The following SMARCD3 variants were observed in gnomAD, a reference collection of about 807,000 sequenced individuals.
SMARCD3 encodes the protein SWI/SNF-related matrix-associated actin-dependent regulator of chromatin subfamily D member 3.
A neutral mutation model predicts 58.0 loss-of-function variants in SMARCD3; 14 were observed. The ratio of observed to expected loss-of-function variants is 0.24; its 90% confidence interval spans 0.16 to 0.38. SMARCD3 has a LOEUF of 0.38. Among genes scored for constraint, SMARCD3 ranks in the 10% least tolerant of loss-of-function variants. The pLI, the probability that SMARCD3 is intolerant of heterozygous loss-of-function variation, is 1.00. For missense variants in SMARCD3, 408 were observed against 636.9 expected (o/e 0.64, Z 3.87); for synonymous variants, 253 against 253.8 (o/e 1.00, Z 0.03).
chr7:151,258,286 G>A (rs991858330), intron 2 of SMARCD3, among the ~76,000 whole-genome samples: 19 of 151,960 alleles, frequency 1.3e-4, no homozygotes, highest in African/African-American at 4.1e-4. Flanking sequence ...AGTCAGGGCC[G>A]GGCGCAGTGG....
chr7:151,249,167 G>A (rs1288254275), upstream of SMARCD3, among the ~76,000 whole-genome samples: 1 of 152,024 alleles, frequency 6.6e-6, no homozygotes, highest in Non-Finnish European at 1.5e-5. This position sits in a 1 kb window ranked among gnomAD's most constrained non-coding sequence, Gnocchi z 4.8. Context: ...AGGCCGAGCA[G>A]GGAAACATTC....
chr7:151,240,353 G>A (rs1407409449), intron 9 of SMARCD3, 72 bp downstream of exon 9: 7 of 1,591,138 alleles, frequency 4.4e-6, no homozygotes, highest in Non-Finnish European at 5.2e-6. Context: ...GGGAGTGGGA[G>A]GAGAGGGAGG....
chr7:151,240,338 G>T lies in SMARCD3; in HGVS notation c.1037+87C>A, dbSNP rs1401975030. 9 of 1,600,046 alleles carry T rather than the reference G, an allele frequency of 5.6e-6. No homozygotes were observed. The African/African-American group carries it at 6.7e-5, about 12-fold the overall frequency. Reference sequence around the variant, plus strand: ...GGGCAGATCCAACAGGGAGGGAGAAGAGATGGGAGTGGGAGGAGAGGGAGG... The same window carrying T: ...GGGCAGATCCAACAGGGAGGGAGAATAGATGGGAGTGGGAGGAGAGGGAGG... On this transcript the variant is annotated intron_variant, in intron 9 of 12. Transcript: ENST00000262188.
intron 2 of SMARCD3, among the ~76,000 whole-genome samples, chr7:151,273,833 C>T (rs553529540): frequency 7.9e-5 from 12 of 152,256 alleles, no homozygotes; most frequent in South Asian, 2.1e-4. Flanking sequence ...CCCCAAAAGC[C>T]GGTGCCCTGC....
chr7:151,248,563 CG>C lies in SMARCD3; in HGVS notation c.-2del. 1 of 1,613,494 alleles carries C rather than the reference CG, an allele frequency of 6.2e-7. No homozygotes were observed. The highest frequency in any genetic ancestry group is 8.5e-7 in the Non-Finnish European group (1 of 1,179,484). ...CTCCGGCAACTTCGTCCGCGGCCAT[CG>C]GGGTGGGCTCAGCGGCTCCTCTCAC... On this transcript the variant is annotated 5_prime_UTR_variant, in exon 1 of 13. Coordinates refer to ENST00000262188, the MANE Select transcript of SMARCD3 (RefSeq NM_001003801.2). This position sits in a 1 kb window ranked among gnomAD's most constrained non-coding sequence, Gnocchi z 6.1.
intron 2 of SMARCD3, among the ~76,000 whole-genome samples, chr7:151,262,382 T>C (rs775794889): frequency 3.3e-5 from 5 of 152,192 alleles, no homozygotes; most frequent in Non-Finnish European, 5.9e-5. Flanking sequence ...ATGCCCAGCT[T>C]TGGGACTTAA....
At position 151,246,871 on chromosome 7, in the gene SMARCD3, A is replaced by G. The variant is rs150278875; in HGVS notation, c.79-1200T>C. 6.6e-6 allele frequency among the ~76,000 whole-genome samples: 1 copy of G among 152,252 alleles called. No homozygotes were observed. Among genetic ancestry groups the G allele is most frequent in the East Asian group, 1.9e-4 (1 of 5,168 alleles). ...GGACCACGAAAGCAGGAAGAAGATC[A>G]GAGGGCAGGGGATGCAGACCCTGGC... On this transcript the variant is annotated intron_variant, in intron 1 of 12. Coordinates refer to ENST00000262188, the MANE Select transcript of SMARCD3 (RefSeq NM_001003801.2). This position sits in a 1 kb window ranked among gnomAD's most constrained non-coding sequence, Gnocchi z 4.4.
In SMARCD3 at chr7:151,248,665, G is replaced by C. The variant is rs967814913; in HGVS notation, c.-103C>G. 39 of 1,539,404 alleles carry C rather than the reference G, an allele frequency of 2.5e-5. No homozygotes were observed. The highest frequency in any genetic ancestry group is 1.9e-4 in the Admixed American group (10 of 51,952). ...CAACTCTCCCCTCTGAGTCCTGCTGGGCTCTCTCACACTTCTACTCGAGCG... is the reference window on the plus strand; with the variant it reads ...CAACTCTCCCCTCTGAGTCCTGCTGCGCTCTCTCACACTTCTACTCGAGCG... On this transcript the variant is annotated 5_prime_UTR_variant, in exon 1 of 13. Coordinates refer to ENST00000262188, the MANE Select transcript of SMARCD3 (RefSeq NM_001003801.2). This position sits in a 1 kb window ranked among gnomAD's most constrained non-coding sequence, Gnocchi z 6.1.
In SMARCD3 at chr7:151,239,576, C is replaced by T. The variant is rs764979711; in HGVS notation, c.1296+48G>A. 24 of 1,613,358 alleles carry T rather than the reference C, an allele frequency of 1.5e-5. No individual in the cohort carries two copies. The highest frequency in any genetic ancestry group is 1.0e-4 in the Admixed American group (6 of 59,986). Reference sequence around the variant, plus strand: ...GGAGTACAACGTTTACTCTCTTTCCCGCTGTGCTTGTCTTCCACTCCAGTA... The same window carrying T: ...GGAGTACAACGTTTACTCTCTTTCCTGCTGTGCTTGTCTTCCACTCCAGTA... On this transcript the variant is annotated intron_variant, in intron 11 of 12. Coordinates refer to ENST00000262188, the MANE Select transcript of SMARCD3 (RefSeq NM_001003801.2). The surrounding 1 kb of genome is among the most constrained non-coding windows in gnomAD (Gnocchi z 7.0).
In SMARCD3 at chr7:151,239,789, T is replaced by G. The variant is rs1290249271; in HGVS notation, c.1174-43A>C. 3 of 1,605,222 alleles carry G rather than the reference T, an allele frequency of 1.9e-6. No individual in the cohort carries two copies. The highest frequency in any genetic ancestry group is 2.6e-6 in the Non-Finnish European group (3 of 1,174,096). ...GATGCTTTCCACCTGGCTTTGGTGA[T>G]GTGGGAGACGAGGGGAAAGGAAGCG... On this transcript the variant is annotated intron_variant, in intron 10 of 12. Transcript: ENST00000262188. This position sits in a 1 kb window ranked among gnomAD's most constrained non-coding sequence, Gnocchi z 7.0.
chr7:151,268,278 G>C (rs549647612), intron 2 of SMARCD3, among the ~76,000 whole-genome samples: 2 of 152,310 alleles, frequency 1.3e-5, no homozygotes, highest in Admixed American at 6.5e-5. Context: ...GAGAAATTTG[G>C]CAAGACCAGA....
At chr7:151,275,299 C>T (rs1227697599) in intron 1 of SMARCD3, 3 of 708,652 alleles carry the variant, frequency 4.2e-6, no homozygotes, top group African/African-American at 3.5e-5. Context: ...TTCAAGGAGG[C>T]CTCGGGAAGC....
chr7:151,267,939 T>C (rs1173777152), intron 2 of SMARCD3, among the ~76,000 whole-genome samples: 1 of 152,232 alleles, frequency 6.6e-6, no homozygotes, highest in South Asian at 2.1e-4. Context: ...ATCGCACCAC[T>C]GTACTCCAGC....
chr7:151,251,963 C>T (rs746259363), upstream of SMARCD3, among the ~76,000 whole-genome samples: 185 of 150,050 alleles, frequency 1.2e-3, 1 homozygote, highest in Non-Finnish European at 2.1e-3. Context: ...CGCGCCGGTC[C>T]CCGGCCTGGG....
chr7:151,252,003 A>C (rs1803534348), upstream of SMARCD3, among the ~76,000 whole-genome samples: 1 of 151,322 alleles, frequency 6.6e-6, no homozygotes, highest in Non-Finnish European at 1.5e-5. Context: ...CTCCCGGTGA[A>C]GGTCAGCCCG....
chr7:151,264,812 G>A (rs1032746427), intron 2 of SMARCD3, among the ~76,000 whole-genome samples: 5 of 152,180 alleles, frequency 3.3e-5, no homozygotes, highest in African/African-American at 1.2e-4. Context: ...GGGACTAGCT[G>A]GGAAGCTGGC....
intron 2 of SMARCD3, chr7:151,254,562 A>C (rs889666328): frequency 6.6e-5 from 10 of 152,310 alleles, no homozygotes; most frequent in African/African-American, 1.7e-4. Flanking sequence ...TGCCTCTTCC[A>C]CCCTGCCTGG....
In SMARCD3 at chr7:151,243,068, G is replaced by T. The variant is rs1455665717; in HGVS notation, c.334-225C>A. Among the ~76,000 whole-genome samples, 1 of 152,190 alleles carries T rather than the reference G, an allele frequency of 6.6e-6. No homozygotes were observed. The highest frequency in any genetic ancestry group is 2.4e-5 in the African/African-American group (1 of 41,448). On this transcript the variant is annotated intron_variant, in intron 3 of 12. Transcript: ENST00000262188. This position sits in a 1 kb window ranked among gnomAD's most constrained non-coding sequence, Gnocchi z 4.4. ...TAACAATTGCTTCTCCCTTTAGGAA[G>T]TGCCTTGTGTTTCATCATCAGGGAG...
At chr7:151,250,435 T>C (rs546156558), upstream of SMARCD3, among the ~76,000 whole-genome samples, 5 of 152,042 alleles carry the variant, frequency 3.3e-5, no homozygotes, top group South Asian at 1.0e-3. Flanking sequence ...CCTGGGGAAG[T>C]GACTTGCCCA....
Sources: allele counts gnomAD v4.1 joint callset (sites outside exome capture counted in the v4.1 genomes callset), GRCh38; gene constraint gnomAD v4.1.1; non-coding constraint Gnocchi (gnomAD v3.1); transcripts MANE v1.5; gene names NCBI Gene and HGNC (gene_info 2026-07-23, HGNC 2026-07-21).